POLR3B: variants seen among roughly 807,000 people sequenced by gnomAD.
The protein encoded by POLR3B is RNA polymerase III subunit B.
Under a neutral mutation model 147.4 loss-of-function variants are expected in POLR3B, and 96 were observed. The ratio of observed to expected loss-of-function variants is 0.65; its 90% CI spans 0.55 to 0.77. The LOEUF is 0.77. POLR3B is among the 30% of genes least tolerant of loss of function. The pLI, the probability that POLR3B is intolerant of heterozygous loss-of-function variation, is 0.00. For missense variants in POLR3B, 1,036 were observed against 1,413.5 expected, an observed-to-expected ratio of 0.73 and a Z score of 4.28; for synonymous variants, 461 against 485.9, an observed-to-expected ratio of 0.95 and a Z score of 0.67.
At chr12:106,441,326 G>A (rs1027125056) in intron 18 of POLR3B, among the ~76,000 whole-genome samples, 10 of 132,476 alleles carry the variant, frequency 7.5e-5, no homozygotes, top group African/African-American at 3.3e-4. Flanking sequence ...TGTGAATATC[G>A]TAGTGTACTT....
At chr12:106,464,530 C>A (rs1189034918) in intron 23 of POLR3B, among the ~76,000 whole-genome samples, 2 of 152,156 alleles carry the variant, frequency 1.3e-5, no homozygotes, top group Non-Finnish European at 1.5e-5. Context: ...GGCAGCTTGG[C>A]TCCAGAGACC....
chr12:106,405,539 T>TACACACACACACACACACACAC (rs71072675), intron 10 of POLR3B, among the ~76,000 whole-genome samples: 7 of 142,700 alleles, frequency 4.9e-5, no homozygotes, highest in Middle Eastern at 3.6e-3. Flanking sequence ...GCTATATGTC[T>TACACACACACACACACACACAC]ACACACACAC....
chr12:106,457,155 G>A lies in POLR3B; in HGVS notation c.2311G>A (p.Val771Ile), dbSNP rs776660787. 3 of 1,613,344 alleles carry A rather than the reference G, an allele frequency of 1.9e-6. No homozygotes were observed. Among genetic ancestry groups the A allele is most frequent in the African/African-American group, 2.7e-5 (2 of 74,954 alleles). Residue 771 changes from valine to isoleucine, a missense_variant, in exon 21 of 28, where the codon GTA (valine) becomes ATA (isoleucine). By Grantham distance (29) the Val-to-Ile change is conservative. This residue lies in a region of POLR3B where 202 missense variants were observed against 272.8 expected (regional missense o/e 0.74). Transcript: ENST00000228347. ...CATTTTAGGCTTTGGGCGTTGCCTT[G>A]TATATAAAAATGCTAAATGTACGTT... ...SLDRGFGRCL[V>I]YKNAKCTLKR...
intron 25 of POLR3B, among the ~76,000 whole-genome samples, chr12:106,498,231 C>T (rs930646701): frequency 6.6e-6 from 1 of 152,078 alleles, no homozygotes; most frequent in Non-Finnish European, 1.5e-5. Flanking sequence ...TGACACTTTG[C>T]CAGGGAAAGA....
chr12:106,372,889 G>C (rs2036629238), intron 6 of POLR3B, among the ~76,000 whole-genome samples: 1 of 151,890 alleles, frequency 6.6e-6, no homozygotes, highest in Non-Finnish European at 1.5e-5. Flanking sequence ...CATTTCCCTT[G>C]GTATAAAATG....
Position 106,366,559 on chromosome 12 carries a change from T to C in POLR3B, c.149T>C (p.Phe50Ser). 6.2e-7 allele frequency: 1 copy of C among 1,608,714 alleles called. No individual in the cohort carries two copies. Among genetic ancestry groups the C allele is most frequent in the Non-Finnish European group, 8.5e-7 (1 of 1,175,188 alleles). ...VKQHIDSFNY[F>S]INVEIKKIMK... ...CAGCATATAGATTCATTTAACTATT[T>C]CATTAATGTAGAGGTAAGCATCAGA... Residue 50 changes from phenylalanine to serine, a missense_variant, in exon 3 of 28, where the codon TTC becomes TCC. Transcript: ENST00000228347.
chr12:106,402,242 C>A (rs2037079067), intron 10 of POLR3B, among the ~76,000 whole-genome samples: 1 of 151,922 alleles, frequency 6.6e-6, no homozygotes, highest in Admixed American at 6.6e-5. Context: ...ACCTAGGAAT[C>A]CAACTTACAA....
chr12:106,405,532 A>C (rs2037137801), intron 10 of POLR3B, among the ~76,000 whole-genome samples: 1 of 128,392 alleles, frequency 7.8e-6, no homozygotes, highest in Admixed American at 8.7e-5. Flanking sequence ...GATGGCTGCT[A>C]TATGTCTACA....
intron 19 of POLR3B, chr12:106,446,269 A>T (rs1362891082): frequency 2.2e-6 from 1 of 456,036 alleles, no homozygotes; most frequent in Non-Finnish European, 4.4e-6. Context: ...CGGAAGACTA[A>T]TCACTTCATC....
At chr12:106,414,352 A>G (rs567450114) in intron 12 of POLR3B, among the ~76,000 whole-genome samples, 2 of 151,178 alleles carry the variant, frequency 1.3e-5, no homozygotes, top group Non-Finnish European at 2.9e-5. Flanking sequence ...GAGTTTAGTG[A>G]TCTTTGTTTA....
At chr12:106,495,722 G>A (rs1299242127) in intron 23 of POLR3B, among the ~76,000 whole-genome samples, 1 of 152,190 alleles carries the variant, frequency 6.6e-6, no homozygotes, top group African/African-American at 2.4e-5. Flanking sequence ...CTGACTTAAA[G>A]CTTCAGGTAT....
chr12:106,397,165 A>C (rs980768747), intron 10 of POLR3B, among the ~76,000 whole-genome samples: 2 of 152,132 alleles, frequency 1.3e-5, no homozygotes, highest in African/African-American at 4.8e-5. Context: ...AAATAATAAG[A>C]ACCACATATG....
At chr12:106,451,640 GGAGGA>G (rs2037798062) in intron 19 of POLR3B, among the ~76,000 whole-genome samples, 2 of 132,858 alleles carry the variant, frequency 1.5e-5, no homozygotes, top group Admixed American at 7.6e-5. Context: ...AGGCGGGGGG[GGAGGA>G]GAGGGGAGGG....
At chr12:106,451,639 G>T (rs1416744757) in intron 19 of POLR3B, among the ~76,000 whole-genome samples, 1 of 135,172 alleles carries the variant, frequency 7.4e-6, no homozygotes, top group Non-Finnish European at 1.6e-5. Context: ...AAGGCGGGGG[G>T]GGAGGAGAGG....
rs772944396 is a variant in POLR3B, at chr12:106,378,340, C to T, written c.570C>T (p.Ile190=). The T allele has an allele frequency of 2.6e-5, 42 of 1,613,638 alleles. No homozygotes were observed. The South Asian group carries it at 3.4e-4, about 13-fold the overall frequency. The change falls in exon 8 of 28, where the codon ATC becomes ATT. Residue 190 remains isoleucine (I), a synonymous_variant. Transcript: ENST00000228347. ...AGCAGCTGTCTAAGAACAGGATCAT[C>T]GTGGAGGCTGATAGAAAAGGGGCTG... ...IQEQLSKNRI[I]VEADRKGAVG... is the part of the protein sequence containing the mutation.
intron 23 of POLR3B, among the ~76,000 whole-genome samples, chr12:106,487,102 A>C (rs1168950883): frequency 6.6e-6 from 1 of 152,242 alleles, no homozygotes; most frequent in Admixed American, 6.5e-5. Flanking sequence ...ATCAGGCCTA[A>C]AGGAGTTGGA....
intron 14 of POLR3B, 33 bp from the exon 15 acceptor site, chr12:106,432,285 C>A: frequency 6.2e-7 from 1 of 1,600,912 alleles, no homozygotes; most frequent in South Asian, 1.1e-5. Flanking sequence ...TACTAATGTT[C>A]ATTCTTAGAA....
intron 10 of POLR3B, among the ~76,000 whole-genome samples, chr12:106,401,284 A>C (rs1367915553): frequency 6.6e-6 from 1 of 152,230 alleles, no homozygotes; most frequent in East Asian, 1.9e-4. Flanking sequence ...GAAAAAGTTG[A>C]ATCTCTGAAT....
intron 15 of POLR3B, among the ~76,000 whole-genome samples, chr12:106,432,957 G>A (rs950187673): frequency 1.3e-5 from 2 of 152,142 alleles, no homozygotes; most frequent in East Asian, 3.9e-4. Context: ...CGTCTCCTTC[G>A]AAGTCTTCCA....
Sources: allele counts gnomAD v4.1 joint callset (sites outside exome capture counted in the v4.1 genomes callset), GRCh38; gene constraint gnomAD v4.1.1; regional missense constraint gnomAD v4.1.1; transcripts MANE v1.5; gene names NCBI Gene and HGNC (gene_info 2026-07-23, HGNC 2026-07-21).